Variants in NAA25 observed in about 807,000 individuals in gnomAD.
NAA25 encodes N-alpha-acetyltransferase 25, NatB auxiliary subunit.
In NAA25, 30 loss-of-function variants were observed where a neutral mutation model predicts 132.5. The ratio of observed to expected loss-of-function variants is 0.23; its 90% CI spans 0.17 to 0.31. NAA25 has a LOEUF of 0.31. Among genes scored for constraint, NAA25 ranks in the 10% least tolerant of loss-of-function variants. NAA25 has a pLI of 1.00. For synonymous variants in NAA25, 359 were observed against 401.9 expected, an observed-to-expected ratio of 0.89 and a Z score of 1.28; for missense variants, 771 against 1,150.4, an observed-to-expected ratio of 0.67 and a Z score of 4.77.
intron 4 of NAA25, among the ~76,000 whole-genome samples, chr12:112,082,918 G>C (rs1163604899): frequency 6.6e-6 from 1 of 152,104 alleles, no homozygotes; most frequent in Non-Finnish European, 1.5e-5. Flanking sequence ...AAAGTAAAGG[G>C]ATGTATGCTG....
intron 4 of NAA25, among the ~76,000 whole-genome samples, chr12:112,082,966 G>A (rs2078994737): frequency 6.6e-6 from 1 of 152,178 alleles, no homozygotes; most frequent in Non-Finnish European, 1.5e-5. Context: ...ACAATTAAGA[G>A]TAGCAGGAAA....
chr12:112,041,502 T>C (rs183152423), intron 20 of NAA25, among the ~76,000 whole-genome samples: 2 of 152,264 alleles, frequency 1.3e-5, no homozygotes, highest in East Asian at 1.9e-4. Flanking sequence ...AAGACTCTTA[T>C]AGATACAAGA....
chr12:112,108,587 C>T (rs911537024), intron 1 of NAA25, 129 bp downstream of exon 1: 3 of 1,037,356 alleles, frequency 2.9e-6, no homozygotes, highest in Non-Finnish European at 3.6e-6. Context: ...CCTAGTGGCC[C>T]GCGCGGCCCG....
At chr12:112,061,456 CA>C in intron 11 of NAA25, 68 bp from the exon 12 acceptor site, 1 of 1,131,064 alleles carries the variant, frequency 8.8e-7, no homozygotes, top group Non-Finnish European at 1.3e-6. Context: ...CCATAATTAA[CA>C]GAAATTGAAT....
At chr12:112,055,257 C>T (rs905610101) in intron 13 of NAA25, among the ~76,000 whole-genome samples, 7 of 152,042 alleles carry the variant, frequency 4.6e-5, no homozygotes, top group Non-Finnish European at 7.4e-5. Context: ...CATATAACTA[C>T]TTGACGTTAA....
chr12:112,071,072 G>A (rs920582932), intron 10 of NAA25, among the ~76,000 whole-genome samples: 13 of 149,790 alleles, frequency 8.7e-5, no homozygotes, highest in African/African-American at 2.7e-4. Flanking sequence ...TAGGAGAAAC[G>A]GGGTTACGGC....
At chr12:112,063,672 T>C (rs543199885) in intron 11 of NAA25, among the ~76,000 whole-genome samples, 12 of 152,134 alleles carry the variant, frequency 7.9e-5, no homozygotes, top group Non-Finnish European at 1.0e-4. Context: ...TTGGGGGAAA[T>C]TGATTTGTTA....
intron 1 of NAA25, among the ~76,000 whole-genome samples, chr12:112,101,869 T>G (rs918032663): frequency 2.2e-5 from 3 of 136,596 alleles, no homozygotes; most frequent in East Asian, 2.0e-4. Context: ...TCTTTTCAAC[T>G]TTTTTTTTTT....
chr12:112,029,710 C>G, intron 23 of NAA25, 57 bp from the exon 24 acceptor site: 1 of 1,578,614 alleles, frequency 6.3e-7, no homozygotes, highest in African/African-American at 1.4e-5. Flanking sequence ...CCCCCAGATT[C>G]TAGTTCTCAG....
intron 17 of NAA25, among the ~76,000 whole-genome samples, chr12:112,045,725 G>C (rs1294000092): frequency 2.0e-5 from 3 of 152,080 alleles, no homozygotes; most frequent in African/African-American, 7.2e-5. Flanking sequence ...AACCCAGGAG[G>C]TGGGGGTTGC....
intron 8 of NAA25, among the ~76,000 whole-genome samples, chr12:112,075,160 C>T (rs565636256): frequency 1.3e-5 from 2 of 150,940 alleles, no homozygotes; most frequent in Admixed American, 1.3e-4. Context: ...TAAGCCCTAA[C>T]TAGAATTCAG....
chr12:112,080,354 T>C (rs1416458778), intron 5 of NAA25, among the ~76,000 whole-genome samples: 1 of 149,854 alleles, frequency 6.7e-6, no homozygotes, highest in African/African-American at 2.5e-5. Flanking sequence ...AAAGTCCCTG[T>C]TTGACATGCT....
intron 19 of NAA25, among the ~76,000 whole-genome samples, chr12:112,042,749 C>A (rs1042679696): frequency 6.6e-6 from 1 of 152,302 alleles, no homozygotes; most frequent in East Asian, 1.9e-4. Context: ...TCAGGTGATC[C>A]GCCTGCCTTG....
At chr12:112,037,281 T>C (rs1474158294) in intron 22 of NAA25, among the ~76,000 whole-genome samples, 29 of 44,382 alleles carry the variant, frequency 6.5e-4, no homozygotes, top group African/African-American at 3.3e-3. Context: ...AATACATATA[T>C]ATATATATAT....
chr12:112,086,433 T>G (rs1042152889), intron 4 of NAA25, among the ~76,000 whole-genome samples: 1 of 151,698 alleles, frequency 6.6e-6, no homozygotes, highest in African/African-American at 2.4e-5. Context: ...GAGGCCAGGT[T>G]GCAGTGAGCC....
Position 112,043,448 on chromosome 12 carries a change from G to C in NAA25, c.2250+177C>G. Among the ~76,000 whole-genome samples, 2 of 152,124 alleles carry C rather than the reference G, an allele frequency of 1.3e-5. 1 individual carries two copies. The highest frequency in any genetic ancestry group is 4.1e-4 in the South Asian group (2 of 4,824). ...TTTTGCTTTCTCCCTCACTAGTCTGGATATTGAGGAAGCCTCTGCAATTCC... is the reference window on the plus strand; with the variant it reads ...TTTTGCTTTCTCCCTCACTAGTCTGCATATTGAGGAAGCCTCTGCAATTCC... On this transcript the variant is annotated intron_variant, in intron 18 of 23. Coordinates refer to ENST00000261745, the MANE Select transcript of NAA25 (RefSeq NM_024953.4).
chr12:112,088,011 T>G (rs984407002), intron 3 of NAA25, among the ~76,000 whole-genome samples: 3 of 152,188 alleles, frequency 2.0e-5, no homozygotes, highest in African/African-American at 7.2e-5. Context: ...TTACAACATA[T>G]AAGACCTTAT....
chr12:112,086,102 A>ACACACACACACCCC (rs796241170), intron 4 of NAA25, among the ~76,000 whole-genome samples: 5 of 120,788 alleles, frequency 4.1e-5, no homozygotes, highest in East Asian at 3.0e-4. Flanking sequence ...ACACACACAC[A>ACACACACACACCCC]CCCATAACCA....
intron 15 of NAA25, 52 bp from the exon 16 acceptor site, chr12:112,048,495 G>T: frequency 6.5e-7 from 1 of 1,529,244 alleles, no homozygotes. Context: ...GTCAGGCAAT[G>T]TAAGCAAACC....
Sources: gnomAD v4.1 joint callset for allele counts (sites outside exome capture counted in the v4.1 genomes callset) on GRCh38, gnomAD v4.1.1 for gene constraint, MANE v1.5 for transcripts, NCBI Gene and HGNC (gene_info 2026-07-23, HGNC 2026-07-21) for gene names.